STXBP4: variants seen among roughly 807,000 people sequenced by gnomAD.
The protein encoded by STXBP4 is syntaxin binding protein 4.
In STXBP4, 55 loss-of-function variants were observed where a neutral mutation model predicts 76.1. The ratio of observed to expected loss-of-function variants is 0.72; its 90% confidence interval spans 0.58 to 0.91. The LOEUF (loss-of-function observed/expected upper bound fraction) is 0.91, where lower values mean the gene tolerates loss of function less well. Among genes scored for constraint, STXBP4 ranks in the 40% least tolerant of loss-of-function variants. STXBP4 has a pLI of 0.00. For missense variants in STXBP4, 618 were observed against 636.9 expected, an observed-to-expected ratio of 0.97 and a Z score of 0.32; for synonymous variants, 201 against 220.2, an observed-to-expected ratio of 0.91 and a Z score of 0.77.
chr17:55,064,900 A>G (rs1017521542), intron 12 of STXBP4, among the ~76,000 whole-genome samples: 1 of 152,152 alleles, frequency 6.6e-6, no homozygotes, highest in South Asian at 2.1e-4. Context: ...TTTCAGATAT[A>G]TATTTACCTA....
chr17:55,050,271 TAAAGAG>T (rs1219054732), intron 12 of STXBP4, among the ~76,000 whole-genome samples: 1 of 151,916 alleles, frequency 6.6e-6, no homozygotes, highest in Non-Finnish European at 1.5e-5. Context: ...TTTTAATAGT[TAAAGAG>T]AAACCAAAAT....
the STXBP4 span, among the ~76,000 whole-genome samples, chr17:55,195,232 T>C: frequency 6.6e-6 from 1 of 152,160 alleles, no homozygotes; most frequent in Non-Finnish European, 1.5e-5. Context: ...TAGATGGGAC[T>C]GGGGAGTCCA....
intron 9 of STXBP4, among the ~76,000 whole-genome samples, chr17:55,033,256 C>A (rs2078540912): frequency 6.6e-6 from 1 of 152,048 alleles, no homozygotes; most frequent in Non-Finnish European, 1.5e-5. Context: ...CGCCTGTAAT[C>A]CCAGCTACTC....
the STXBP4 span, among the ~76,000 whole-genome samples, chr17:55,209,672 C>A: frequency 3.3e-5 from 5 of 152,212 alleles, no homozygotes; most frequent in Admixed American, 3.3e-4. Context: ...CAGCTGAGGA[C>A]ACGTGCTCAA....
intron 16 of STXBP4, among the ~76,000 whole-genome samples, chr17:55,133,668 G>A (rs1342588131): frequency 1.3e-5 from 2 of 152,218 alleles, no homozygotes; most frequent in Non-Finnish European, 2.9e-5. Context: ...GCCAGTGACA[G>A]AGGAGAACCT....
rs1188378739 is a variant in STXBP4, at chr17:55,058,877, A to AT, written c.1011+11726dup. ...TTACTTCTGGTGACTAATTTTATTT[A>AT]TTTATTTTTTTAACTGCTAATACGA... On this transcript the variant is annotated intron_variant, in intron 12 of 17. Transcript: ENST00000376352. Among the ~76,000 whole-genome samples, 59 of 151,924 alleles carry AT rather than the reference A, an allele frequency of 3.9e-4. 1 individual carries two copies. Among genetic ancestry groups the AT allele is most frequent in the Admixed American group, 2.6e-3 (39 of 15,254 alleles).
intron 16 of STXBP4, among the ~76,000 whole-genome samples, chr17:55,118,323 C>T (rs893644790): frequency 6.6e-6 from 1 of 151,934 alleles, no homozygotes; most frequent in South Asian, 2.1e-4. Flanking sequence ...AGCCAACCAT[C>T]TAATGAGTTA....
intron 2 of STXBP4, 38 bp from the exon 3 acceptor site, chr17:54,986,104 A>G (rs1168559736): frequency 3.4e-6 from 3 of 872,574 alleles, no homozygotes; most frequent in Non-Finnish European, 5.6e-6. Context: ...TGACAGTTCT[A>G]AGACCTGACA....
In STXBP4 at chr17:54,999,659, C is replaced by T. The variant is rs891080997; in HGVS notation, c.315C>T (p.Phe105=). Reference sequence around the variant, plus strand: ...TAGAATCTGCTTGGGAGATAGCATTCATAAGACAAAAATCCGACAACATTC... The same window carrying T: ...TAGAATCTGCTTGGGAGATAGCATTTATAAGACAAAAATCCGACAACATTC... ...LRLESAWEIA[F]IRQKSDNIQP... The change falls in exon 6 of 18, where the codon TTC becomes TTT. Residue 105 remains phenylalanine, a synonymous_variant. Transcript: ENST00000376352. The T allele has an allele frequency of 2.5e-6, 4 of 1,613,478 alleles. No homozygotes were observed. In the Admixed American group the frequency reaches 6.7e-5, roughly 27 times the overall value.
At chr17:55,095,016 G>T (rs2079466205) in intron 16 of STXBP4, among the ~76,000 whole-genome samples, 2 of 152,080 alleles carry the variant, frequency 1.3e-5, no homozygotes, top group Non-Finnish European at 2.9e-5. Context: ...AGATATGAAG[G>T]CACAGCTAGA....
chr17:55,051,924 G>A (rs1183063014), intron 12 of STXBP4, among the ~76,000 whole-genome samples: 1 of 151,950 alleles, frequency 6.6e-6, no homozygotes, highest in African/African-American at 2.4e-5. Context: ...ACACAATGGG[G>A]CTATGTCCTG....
At chr17:55,011,526 G>A (rs571059081) in intron 8 of STXBP4, among the ~76,000 whole-genome samples, 64 of 10,646 alleles carry the variant, frequency 6.0e-3, no homozygotes, top group Non-Finnish European at 8.5e-3. Context: ...TTTTTTTTTT[G>A]CAGTTGCAAG....
chr17:55,156,227 A>G (rs780295653), intron 17 of STXBP4, among the ~76,000 whole-genome samples: 5 of 152,188 alleles, frequency 3.3e-5, no homozygotes, highest in Non-Finnish European at 7.3e-5. Context: ...TTTATGAACC[A>G]TGGGGTCTTT....
At position 55,165,907 on chromosome 17, in the gene STXBP4, G is replaced by C. The variant is rs1462199276; in HGVS notation, c.*5996G>C. The C allele has an allele frequency of 6.6e-6, 1 of 152,176 alleles. No individual in the cohort carries two copies. The highest frequency in any genetic ancestry group is 1.5e-5 in the Non-Finnish European group (1 of 68,064). The allele number at this position is 152,176 out of a possible 1,614,324, so 9.4% of individuals were successfully genotyped here. On this transcript the variant is annotated 3_prime_UTR_variant, in exon 18 of 18. Transcript: ENST00000376352. ...AGCTAAATCTGCTGGCATCTTGATCGTACACTTCCCAGCCTCCAGAGCTGT... is the reference window on the plus strand; with the variant it reads ...AGCTAAATCTGCTGGCATCTTGATCCTACACTTCCCAGCCTCCAGAGCTGT...
At position 55,165,626 on chromosome 17, in the gene STXBP4, AGCACTAGATAAGCCTCT is replaced by A. The variant is rs1254919852; in HGVS notation, c.*5718_*5734del. ...AGACCATCTTAACCCAGAGTGCCTT[AGCACTAGATAAGCCTCT>A]GCTGTGGTCTGGATGTTTGTGCCCA... On this transcript the variant is annotated 3_prime_UTR_variant, in exon 18 of 18. Coordinates refer to ENST00000376352, the MANE Select transcript of STXBP4 (RefSeq NM_178509.6). 1 of 152,288 alleles carries A rather than the reference AGCACTAGATAAGCCTCT, an allele frequency of 6.6e-6. No individual in the cohort carries two copies. Among genetic ancestry groups the A allele is most frequent in the Non-Finnish European group, 1.5e-5 (1 of 68,062 alleles). The allele number at this position is 152,288 out of a possible 1,614,324, so 9.4% of individuals were successfully genotyped here.
At chr17:55,044,553 C>T (rs2078758477) in intron 11 of STXBP4, 3 of 151,932 alleles carry the variant, frequency 2.0e-5, no homozygotes, top group Non-Finnish European at 2.9e-5. Context: ...AATCGCAGTA[C>T]TTTGGGAGGC....
chr17:54,987,900 G>C (rs1489359970), intron 3 of STXBP4, among the ~76,000 whole-genome samples: 2 of 152,122 alleles, frequency 1.3e-5, no homozygotes, highest in African/African-American at 2.4e-5. Context: ...GGTCTGGTAG[G>C]TGAGTAGTAG....
At chr17:54,973,166 A>G (rs2077424044) in intron 1 of STXBP4, among the ~76,000 whole-genome samples, 1 of 152,210 alleles carries the variant, frequency 6.6e-6, no homozygotes, top group Non-Finnish European at 1.5e-5. Flanking sequence ...TAGGGGAAGC[A>G]GGCTTAGAAT....
Position 55,081,047 on chromosome 17 carries a change from T to C in STXBP4, c.1356-3T>C. 1 of 1,482,590 alleles carries C rather than the reference T, an allele frequency of 6.7e-7. No individual in the cohort carries two copies. The highest frequency in any genetic ancestry group is 8.9e-7 in the Non-Finnish European group (1 of 1,121,036). The allele number at this position is 1,482,590 out of a possible 1,614,324, so 91.8% of individuals were successfully genotyped here. On this transcript the variant is annotated splice_polypyrimidine_tract_variant and splice_region_variant and intron_variant, in intron 15 of 17. Coordinates refer to ENST00000376352, the MANE Select transcript of STXBP4 (RefSeq NM_178509.6). Reference sequence around the variant, plus strand: ...GTTCAACTTTATTTTATTGCCTTCATAGTGAAAGAAGAGCTGTGTTAGCTT... The same window carrying C: ...GTTCAACTTTATTTTATTGCCTTCACAGTGAAAGAAGAGCTGTGTTAGCTT...
Sources: allele counts gnomAD v4.1 joint callset (sites outside exome capture counted in the v4.1 genomes callset), GRCh38; gene constraint gnomAD v4.1.1; transcripts MANE v1.5; gene names NCBI Gene and HGNC (gene_info 2026-07-23, HGNC 2026-07-21).